Variants in CTNND2 observed in about 807,000 individuals in gnomAD.
The protein encoded by CTNND2 is catenin delta 2.
A neutral mutation model predicts 144.4 loss-of-function variants in CTNND2; 22 were observed. The observed-to-expected ratio is 0.15, with a 90% CI of 0.11 to 0.22. The LOEUF (loss-of-function observed/expected upper bound fraction) is 0.22. Among genes scored for constraint, CTNND2 ranks in the 10% least tolerant of loss-of-function variants. The probability of loss-of-function intolerance (pLI) is 1.00; values close to 1 mark genes in which losing one functional copy is unlikely to be tolerated. For missense variants in CTNND2, 1,353 were observed against 1,618.8 expected, an observed-to-expected ratio of 0.84 and a Z score of 2.82; for synonymous variants, 751 against 695.6, an observed-to-expected ratio of 1.08 and a Z score of -1.25.
At chr5:11,479,164 G>C (rs1768014453) in intron 3 of CTNND2, among the ~76,000 whole-genome samples, 1 of 152,040 alleles carries the variant, frequency 6.6e-6, no homozygotes, top group Admixed American at 6.5e-5. Context: ...TCACCCTCAG[G>C]AATGTCCTAC....
At chr5:11,624,084 A>G (rs1781023513) in intron 2 of CTNND2, among the ~76,000 whole-genome samples, 2 of 151,804 alleles carry the variant, frequency 1.3e-5, no homozygotes, top group South Asian at 4.2e-4. Flanking sequence ...CTTTATTCGC[A>G]ATGTAGGAAC....
At chr5:11,603,083 G>T (rs1441631705) in intron 2 of CTNND2, among the ~76,000 whole-genome samples, 1 of 152,048 alleles carries the variant, frequency 6.6e-6, no homozygotes, top group Non-Finnish European at 1.5e-5. Context: ...AGGCATTTAG[G>T]AGAGGGTACT....
intron 3 of CTNND2, among the ~76,000 whole-genome samples, chr5:11,555,319 T>C (rs139999695): frequency 7.3e-4 from 111 of 152,226 alleles, no homozygotes; most frequent in African/African-American, 2.5e-3. Context: ...TTTAATCCAG[T>C]TTGTGTATTT....
chr5:11,151,483 A>G (rs559816491), intron 12 of CTNND2, among the ~76,000 whole-genome samples: 87 of 152,298 alleles, frequency 5.7e-4, no homozygotes, highest in East Asian at 9.6e-4. Context: ...AATTCACTAA[A>G]CTTTTTCATT....
chr5:11,670,067 A>C (rs1783801986), intron 2 of CTNND2, among the ~76,000 whole-genome samples: 1 of 152,128 alleles, frequency 6.6e-6, no homozygotes, highest in Admixed American at 6.5e-5. Context: ...GTTTTGAGTG[A>C]GTTTCTTAAT....
chr5:11,179,822 G>A (rs951769589), intron 11 of CTNND2, among the ~76,000 whole-genome samples: 18 of 152,124 alleles, frequency 1.2e-4, no homozygotes, highest in Non-Finnish European at 2.4e-4. Context: ...ATGATGCTGC[G>A]TAAACATGGA....
intron 3 of CTNND2, among the ~76,000 whole-genome samples, chr5:11,463,414 CA>C (rs1295349521): frequency 6.6e-6 from 1 of 152,124 alleles, no homozygotes; most frequent in Non-Finnish European, 1.5e-5. Flanking sequence ...GAAAAATTTA[CA>C]CCAAACATCT....
At chr5:11,863,998 C>T (rs1360265006) in intron 1 of CTNND2, among the ~76,000 whole-genome samples, 1 of 152,156 alleles carries the variant, frequency 6.6e-6, no homozygotes, top group Non-Finnish European at 1.5e-5. Context: ...GCAGTTCGGG[C>T]CTGCTCTGCT....
chr5:11,325,284 CACATATATATATA>C (rs1273099514), intron 9 of CTNND2, among the ~76,000 whole-genome samples: 7 of 151,984 alleles, frequency 4.6e-5, no homozygotes, highest in Admixed American at 2.0e-4. Context: ...TAAACCAACA[CACATATATATATA>C]ACATATATAT....
At chr5:11,649,685 G>A (rs890516576) in intron 2 of CTNND2, among the ~76,000 whole-genome samples, 2 of 152,186 alleles carry the variant, frequency 1.3e-5, no homozygotes, top group African/African-American at 4.8e-5. Context: ...GGGGGGAACT[G>A]ACACTGTTGA....
intron 1 of CTNND2, among the ~76,000 whole-genome samples, chr5:11,798,978 GT>G (rs1328556502): frequency 1.3e-5 from 2 of 152,170 alleles, no homozygotes; most frequent in Non-Finnish European, 2.9e-5. Context: ...GTAACAGGCA[GT>G]TTCATTCATG....
intron 3 of CTNND2, among the ~76,000 whole-genome samples, chr5:11,459,494 C>T (rs1766016404): frequency 6.6e-6 from 1 of 152,050 alleles, no homozygotes; most frequent in Admixed American, 6.6e-5. Context: ...CTTGTTCTGC[C>T]CCTTTTTAAA....
chr5:11,577,744 G>A (rs1012790489), intron 2 of CTNND2, among the ~76,000 whole-genome samples: 12 of 152,066 alleles, frequency 7.9e-5, no homozygotes, highest in South Asian at 4.1e-4. Flanking sequence ...AATTTTCTTC[G>A]TTTACTGAAT....
intron 10 of CTNND2, among the ~76,000 whole-genome samples, chr5:11,228,504 G>A (rs200346286): frequency 2.9e-5 from 2 of 69,724 alleles, no homozygotes; most frequent in Non-Finnish European, 5.7e-5. Context: ...TTTTTTTTTT[G>A]AGACAGAGTC....
At chr5:11,564,505 A>G (rs927383088) in intron 3 of CTNND2, among the ~76,000 whole-genome samples, 1 of 152,154 alleles carries the variant, frequency 6.6e-6, no homozygotes, top group Non-Finnish European at 1.5e-5. Context: ...CGTGTGGTTG[A>G]TCTTCAAGGG....
At chr5:11,789,017 A>C (rs1356555232) in intron 1 of CTNND2, among the ~76,000 whole-genome samples, 1 of 152,170 alleles carries the variant, frequency 6.6e-6, no homozygotes, top group Non-Finnish European at 1.5e-5. Context: ...AACCACAATG[A>C]GATACCATCT....
At chr5:11,188,031 G>C (rs1735821735) in intron 11 of CTNND2, among the ~76,000 whole-genome samples, 2 of 152,140 alleles carry the variant, frequency 1.3e-5, no homozygotes, top group African/African-American at 4.8e-5. Context: ...AATCATTGTG[G>C]AAGAAAATGT....
chr5:11,151,758 T>C (rs948095824), intron 12 of CTNND2, among the ~76,000 whole-genome samples: 9 of 152,190 alleles, frequency 5.9e-5, no homozygotes, highest in African/African-American at 1.7e-4. Flanking sequence ...AATAGCATGA[T>C]GGGGGATTTT....
intron 1 of CTNND2, among the ~76,000 whole-genome samples, chr5:11,751,749 T>G (rs887663775): frequency 6.6e-6 from 1 of 151,906 alleles, no homozygotes; most frequent in African/African-American, 2.4e-5. Context: ...ATTGCTGGGT[T>G]GAATGACACT....
Sources: gnomAD v4.1 joint callset for allele counts (sites outside exome capture counted in the v4.1 genomes callset) on GRCh38, gnomAD v4.1.1 for gene constraint, MANE v1.5 for transcripts, NCBI Gene and HGNC (gene_info 2026-07-23, HGNC 2026-07-21) for gene names.